SCFD2: variants seen among roughly 807,000 people sequenced by gnomAD.
SCFD2 encodes the protein sec1 family domain containing 2, also known as sec1 family domain-containing protein 2.
A neutral mutation model predicts 58.9 loss-of-function variants in SCFD2; 54 were observed. The ratio of observed to expected loss-of-function variants is 0.92; its 90% CI spans 0.74 to 1.15. The LOEUF (loss-of-function observed/expected upper bound fraction) is 1.15. Among genes scored for constraint, SCFD2 ranks in the 50% most tolerant of loss-of-function variants. SCFD2 has a pLI of 0.00. For synonymous variants in SCFD2, 321 were observed against 335.9 expected, an observed-to-expected ratio of 0.96 and a Z score of 0.49; for missense variants, 805 against 836.6, an observed-to-expected ratio of 0.96 and a Z score of 0.47.
chr4:53,127,584 TGGA>T (rs758760743), intron 5 of SCFD2, among the ~76,000 whole-genome samples: 13 of 152,198 alleles, frequency 8.5e-5, no homozygotes, highest in Non-Finnish European at 1.5e-4. Context: ...TGAGCTGGTC[TGGA>T]GGTTCAGAGA....
At position 53,300,887 on chromosome 4, in the gene SCFD2, T is replaced by C. The variant is rs192462091; in HGVS notation, c.1135+12749A>G. On this transcript the variant is annotated intron_variant, in intron 3 of 8. Transcript: ENST00000401642. Reference sequence around the variant, plus strand: ...TGAAATGAAGGCAGAAATAAAGATGTTCTTTGAAACCAACGACAACAAAGA... The same window carrying C: ...TGAAATGAAGGCAGAAATAAAGATGCTCTTTGAAACCAACGACAACAAAGA... Among the ~76,000 whole-genome samples, 1,093 of 152,334 alleles carry C rather than the reference T, an allele frequency of 7.2e-3. 6 individuals are homozygous for C. Among genetic ancestry groups the C allele is most frequent in the African/African-American group, 0.025 (1,038 of 41,568 alleles).
chr4:53,159,686 C>T (rs7663263), intron 4 of SCFD2, among the ~76,000 whole-genome samples: 148,682 of 152,166 alleles, frequency 0.98, 72,741 homozygotes, highest in Middle Eastern at 1. Context: ...AAACCAGATT[C>T]CCCCCACCCC....
At chr4:53,059,703 A>T (rs1452172361) in intron 5 of SCFD2, among the ~76,000 whole-genome samples, 4 of 151,938 alleles carry the variant, frequency 2.6e-5, no homozygotes, top group Non-Finnish European at 4.4e-5. Flanking sequence ...TAATTAGTGC[A>T]ATTTACCTCA....
At chr4:52,973,019 T>C (rs1721148477) in intron 5 of SCFD2, among the ~76,000 whole-genome samples, 1 of 152,130 alleles carries the variant, frequency 6.6e-6, no homozygotes, top group African/African-American at 2.4e-5. Flanking sequence ...TTCAAAGCAG[T>C]GTGTAGAGGG....
rs138486566 is a variant in SCFD2, at chr4:53,150,978, A to G, written c.1312-5396T>C. ...CAGGTTGTTCTGAAGTTGTAACGTCAGAAGTGAATTACACAACCAGTAAAT... is the reference window on the plus strand; with the variant it reads ...CAGGTTGTTCTGAAGTTGTAACGTCGGAAGTGAATTACACAACCAGTAAAT... On this transcript the variant is annotated intron_variant, in intron 4 of 8. Transcript: ENST00000401642. Among the ~76,000 whole-genome samples, 15 of 152,376 alleles carry G rather than the reference A, an allele frequency of 9.8e-5. No homozygotes were observed. The East Asian group carries it at 2.7e-3, about 27-fold the overall frequency.
intron 5 of SCFD2, among the ~76,000 whole-genome samples, chr4:53,034,058 T>C (rs905432862): frequency 2.6e-5 from 4 of 151,882 alleles, no homozygotes; most frequent in Admixed American, 6.6e-5. Flanking sequence ...GATGCGAAAA[T>C]CCTCAATAAA....
chr4:53,170,189 C>G (rs901415443), intron 4 of SCFD2, among the ~76,000 whole-genome samples: 1 of 152,066 alleles, frequency 6.6e-6, no homozygotes, highest in Admixed American at 6.6e-5. Context: ...AACTCATTTT[C>G]AGTTGATTTT....
chr4:53,151,002 A>T (rs1726489565), intron 4 of SCFD2, among the ~76,000 whole-genome samples: 1 of 152,208 alleles, frequency 6.6e-6, no homozygotes, highest in African/African-American at 2.4e-5. Context: ...CAACCAGTAA[A>T]TATAAAATAT....
chr4:53,086,175 T>C (rs1446625432), intron 5 of SCFD2, among the ~76,000 whole-genome samples: 1 of 151,958 alleles, frequency 6.6e-6, no homozygotes, highest in Middle Eastern at 3.2e-3. Flanking sequence ...GCTCGAACAA[T>C]TGTACAGGAA....
chr4:53,315,501 T>C (rs1469536810), intron 2 of SCFD2, among the ~76,000 whole-genome samples: 1 of 152,150 alleles, frequency 6.6e-6, no homozygotes, highest in East Asian at 1.9e-4. Context: ...CCAAGGAGCA[T>C]GTGATTGATT....
At chr4:53,309,082 G>A (rs572823580) in intron 3 of SCFD2, among the ~76,000 whole-genome samples, 2 of 151,790 alleles carry the variant, frequency 1.3e-5, no homozygotes, top group East Asian at 1.9e-4. Flanking sequence ...GCAGTGAGCC[G>A]AGATCACGCC....
At chr4:53,122,606 G>A (rs569298514) in intron 5 of SCFD2, among the ~76,000 whole-genome samples, 1 of 152,268 alleles carries the variant, frequency 6.6e-6, no homozygotes, top group Admixed American at 6.5e-5. Context: ...GGCAATACAC[G>A]CAGACATAAA....
At chr4:52,899,475 G>GC (rs1426063085) in intron 7 of SCFD2, among the ~76,000 whole-genome samples, 6 of 152,116 alleles carry the variant, frequency 3.9e-5, no homozygotes, top group South Asian at 2.1e-4. Context: ...TTGAATACTG[G>GC]CCCCCACTCT....
intron 8 of SCFD2, among the ~76,000 whole-genome samples, chr4:52,876,995 G>C (rs376000846): frequency 9.6e-4 from 146 of 152,246 alleles, no homozygotes; most frequent in African/African-American, 3.3e-3. Context: ...GCTGGGGTGA[G>C]GGTGGGCCTG....
chr4:53,115,899 G>A (rs1725305285), intron 5 of SCFD2, among the ~76,000 whole-genome samples: 1 of 152,068 alleles, frequency 6.6e-6, no homozygotes, highest in East Asian at 1.9e-4. Context: ...GAAGACCTAT[G>A]CTGTTTTAAT....
intron 4 of SCFD2, among the ~76,000 whole-genome samples, chr4:53,195,682 C>T (rs572738280): frequency 6.6e-6 from 1 of 152,278 alleles, no homozygotes; most frequent in South Asian, 2.1e-4. Context: ...GTACGAACAA[C>T]TGATTCAGTA....
intron 5 of SCFD2, among the ~76,000 whole-genome samples, chr4:52,925,521 T>C (rs1424375959): frequency 1.3e-5 from 2 of 152,054 alleles, no homozygotes; most frequent in African/African-American, 4.8e-5. Flanking sequence ...TAGATCCTTC[T>C]TTTTTGGCCA....
intron 4 of SCFD2, among the ~76,000 whole-genome samples, chr4:53,163,599 G>A (rs918812815): frequency 3.3e-5 from 5 of 152,152 alleles, no homozygotes; most frequent in Non-Finnish European, 7.4e-5. Context: ...TGGGCATGAT[G>A]GCAGACACCT....
Position 53,352,709 on chromosome 4 carries a change from T to C in SCFD2, c.896A>G (p.Gln299Arg). 6.2e-7 allele frequency: 1 copy of C among 1,614,092 alleles called. No individual in the cohort carries two copies. The highest frequency in any genetic ancestry group is 1.3e-5 in the African/African-American group (1 of 75,048). Residue 299 changes from glutamine to arginine, a missense_variant, in exon 2 of 9, where the codon CAG becomes CGG. Gln to Arg is a conservative substitution (Grantham distance 43). Transcript: ENST00000401642. Reference protein sequence around the residue: ...LVEKIISALPQLPGHTNDVMV... With the variant: ...LVEKIISALPRLPGHTNDVMV... The stretch of plus-strand genomic sequence containing the variant: ...CACATCATTTGTGTGGCCTGGGAGC[T>C]GGGGAAGTGCTGAAATGATCTTCTC...
Sources: allele counts gnomAD v4.1 joint callset (sites outside exome capture counted in the v4.1 genomes callset), GRCh38; gene constraint gnomAD v4.1.1; transcripts MANE v1.5; gene names NCBI Gene and HGNC (gene_info 2026-07-23, HGNC 2026-07-21).